USP36: variants seen among roughly 807,000 people sequenced by gnomAD.
The protein encoded by USP36 is ubiquitin carboxyl-terminal hydrolase 36.
Under a neutral mutation model 111.5 loss-of-function variants are expected in USP36, and 59 were observed. That is an observed-to-expected ratio of 0.53 (90% CI 0.43 to 0.66). The LOEUF (loss-of-function observed/expected upper bound fraction) is 0.66. Ranked by LOEUF, USP36 falls within the 30% of genes least tolerant of loss-of-function variation. The pLI, the probability that USP36 is intolerant of heterozygous loss-of-function variation, is 0.00. For missense variants in USP36, 1,488 were observed against 1,468.0 expected, an observed-to-expected ratio of 1.01 and a Z score of -0.22; for synonymous variants, 628 against 581.0, an observed-to-expected ratio of 1.08 and a Z score of -1.16.
At position 78,827,266 on chromosome 17, in the gene USP36, G is replaced by C; in HGVS notation, c.668C>G (p.Ala223Gly). Residue 223 changes from alanine (A) to glycine (G), a missense_variant, in exon 6 of 21, where the codon GCC becomes GGC. Physicochemically the swap from Ala to Gly is moderately conservative, Grantham distance 60. This residue lies in a region of USP36 where 196 missense variants were observed against 264.4 expected (regional missense o/e 0.74). Coordinates refer to ENST00000449938, the MANE Select transcript of USP36 (RefSeq NM_001385174.1). ...GCACTTGGCACAGCCATTCAGGCAG[G>C]CTTTCTGCATGGCGTCGATGGTGTA... ...LRYTIDAMQKACLNGCAKLDR... is the reference protein window; with the variant it reads ...LRYTIDAMQKGCLNGCAKLDR... 6.2e-7 allele frequency: 1 copy of C among 1,613,800 alleles called. No individual in the cohort carries two copies. Among genetic ancestry groups the C allele is most frequent in the Middle Eastern group, 1.7e-4 (1 of 5,938 alleles).
intron 10 of USP36, among the ~76,000 whole-genome samples, chr17:78,815,836 CAT>C (rs202229362): frequency 0.06 from 9,027 of 150,698 alleles, 858 homozygotes; most frequent in African/African-American, 0.21. Context: ...CACATATATA[CAT>C]ACACACACAC....
At chr17:78,806,393 A>G (rs1771750829) in intron 14 of USP36, 107 bp from the exon 15 acceptor site, 1 of 1,481,192 alleles carries the variant, frequency 6.8e-7, no homozygotes, top group Non-Finnish European at 9.1e-7. Context: ...AAAAGAGCCC[A>G]GAAAAAAAGA....
In USP36 at chr17:78,798,175, CCA is replaced by C. The variant is rs2093659578; in HGVS notation, c.*20+223_*20+224del. On this transcript the variant is annotated intron_variant, in intron 20 of 20. Coordinates refer to ENST00000449938, the MANE Select transcript of USP36 (RefSeq NM_001385174.1). This position sits in a 1 kb window ranked among gnomAD's most constrained non-coding sequence, Gnocchi z 5.1. ...ACACACCCCCTTATACACACGCATC[CCA>C]CACACACCCCCTTATACACACGCAT... is the stretch of plus-strand genomic sequence containing the variant. 1.0e-5 allele frequency: 6 copies of C among 576,410 alleles called. No homozygotes were observed. The highest frequency in any genetic ancestry group is 4.6e-4 in the Middle Eastern group (1 of 2,164). 35.7% of individuals were successfully genotyped at this position (576,410 alleles called of 1,614,324 possible). A position where few individuals can be genotyped will look rare whatever the true frequency, so the allele number is the denominator to read the frequency against.
intron 17 of USP36, among the ~76,000 whole-genome samples, chr17:78,800,177 T>C (rs2093705791): frequency 6.7e-6 from 1 of 150,208 alleles, no homozygotes; most frequent in Non-Finnish European, 1.5e-5. Flanking sequence ...CCAGTAGTGT[T>C]AAGTCCTCAG....
chr17:78,808,319 T>G (rs2093965367), intron 13 of USP36, among the ~76,000 whole-genome samples: 1 of 152,232 alleles, frequency 6.6e-6, no homozygotes, highest in Admixed American at 6.5e-5. Flanking sequence ...GATGTCATCA[T>G]AACTCACTGC....
At chr17:78,820,129 G>T in intron 8 of USP36, 117 bp from the exon 9 acceptor site, 2 of 1,081,548 alleles carry the variant, frequency 1.8e-6, no homozygotes, top group Non-Finnish European at 1.3e-6. Flanking sequence ...ACTTAGACTC[G>T]CATAAAAATT....
At position 78,803,490 on chromosome 17, in the gene USP36, C is replaced by T. The variant is rs2093808485; in HGVS notation, c.2705G>A (p.Gly902Glu). 6.2e-7 allele frequency: 1 copy of T among 1,614,064 alleles called. No homozygotes were observed. Residue 902 changes from glycine to glutamate, a missense_variant, in exon 16 of 21, where the codon GGA becomes GAA. Around this residue, in one of 3 missense-constraint regions of USP36, gnomAD observed 1,073 missense variants for 994.1 expected, o/e 1.08. Transcript: ENST00000449938. This position sits in a 1 kb window ranked among gnomAD's most constrained non-coding sequence, Gnocchi z 4.6. The part of the protein sequence containing the change: ...TQPQVNGQQV[G>E]CVTDGHHASS... ...CGCGTGGTGGCCGTCCGTAACACAT[C>T]CCACCTGCTGGCCATTCACCTGTGG...
chr17:78,839,398 C>T (rs2069023859), intron 1 of USP36, among the ~76,000 whole-genome samples: 1 of 152,074 alleles, frequency 6.6e-6, no homozygotes. Flanking sequence ...ATACCAACTC[C>T]CGAAAAATGT....
Position 78,806,194 on chromosome 17 carries a change from G to A in USP36, c.2178C>T (p.His726=), listed in dbSNP as rs775014668. ...SDLTHPMKTS[H]PVVASTWPVH... The stretch of plus-strand genomic sequence containing the variant: ...CGGGCCAAGTGGAGGCAACGACGGG[G>A]TGAGAGGTTTTCATGGGGTGGGTGA... The change falls in exon 15 of 21, where the codon CAC becomes CAT. Residue 726 remains histidine (H), a synonymous_variant. Coordinates refer to ENST00000449938, the MANE Select transcript of USP36 (RefSeq NM_001385174.1). 1.9e-5 allele frequency: 30 copies of A among 1,613,584 alleles called. 1 individual carries two copies. In the South Asian group the frequency reaches 2.9e-4, roughly 15 times the overall value.
chr17:78,807,799 T>C (rs2093948732), intron 13 of USP36, among the ~76,000 whole-genome samples, 163 bp from the exon 14 acceptor site: 1 of 152,216 alleles, frequency 6.6e-6, no homozygotes, highest in Non-Finnish European at 1.5e-5. Context: ...CTGTGGCTTC[T>C]CTGAACAATT....
intron 10 of USP36, among the ~76,000 whole-genome samples, chr17:78,816,156 T>C (rs1351799684): frequency 1.3e-5 from 2 of 151,646 alleles, no homozygotes; most frequent in African/African-American, 2.4e-5. Flanking sequence ...AACATACGCA[T>C]AATTTTTTTT....
chr17:78,807,165 G>T lies in USP36; in HGVS notation c.1879C>A (p.Pro627Thr), dbSNP rs139422837. ...GCCGCTCCACTCCTGGGGGTCTGGG[G>T]GGCCTTGGTGGAGTCGCTGCTGGCC... ...HSASSDSTKA[P>T]QTPRSGAAHL... Residue 627 changes from proline (P) to threonine (T), a missense_variant, in exon 14 of 21, where the codon CCC becomes ACC. Pro to Thr is a conservative substitution (Grantham distance 38, BLOSUM62 -1). Transcript: ENST00000449938. 3.1e-6 allele frequency: 5 copies of T among 1,614,216 alleles called. No individual in the cohort carries two copies. In the South Asian group the frequency reaches 4.4e-5, roughly 14 times the overall value.
intron 6 of USP36, chr17:78,826,939 T>C: frequency 1.7e-6 from 1 of 602,038 alleles, no homozygotes; most frequent in Non-Finnish European, 3.0e-6. Flanking sequence ...CCTAAGAAGG[T>C]CTGCTAACAT....
At chr17:78,814,585 A>G in intron 10 of USP36, 33 bp from the exon 11 acceptor site, 1 of 1,602,734 alleles carries the variant, frequency 6.2e-7, no homozygotes, top group Non-Finnish European at 8.5e-7. Flanking sequence ...GACAAATAAA[A>G]TTCACTTTGA....
At position 78,832,215 on chromosome 17, in the gene USP36, C is replaced by T. The variant is rs563793369; in HGVS notation, c.475+3065G>A. Among the ~76,000 whole-genome samples the T allele has an allele frequency of 1.1e-4, 17 of 152,292 alleles. No homozygotes were observed. The South Asian group carries it at 3.3e-3, about 30-fold the overall frequency. ...TGTTTCTCTTCTAGCTAAATATTAG[C>T]GCCAGAGACAGTCCAGCCTACGGCA... On this transcript the variant is annotated intron_variant, in intron 4 of 20. Coordinates refer to ENST00000449938, the MANE Select transcript of USP36 (RefSeq NM_001385174.1).
At position 78,812,658 on chromosome 17, in the gene USP36, C is replaced by T. The variant is rs577211858; in HGVS notation, c.1407+202G>A. 3.5e-5 allele frequency among the ~76,000 whole-genome samples: 5 copies of T among 143,820 alleles called. No homozygotes were observed. In the East Asian group the frequency reaches 1.0e-3, roughly 29 times the overall value. The allele number at this position is 143,820 out of a possible 152,430, so 94.4% of individuals were successfully genotyped here. ...TGAGCCGAGATTGGAGATCGCACCA[C>T]TGCACCCCAGCCTGGATGACAGAGC... On this transcript the variant is annotated intron_variant, in intron 13 of 20. Transcript: ENST00000449938.
chr17:78,830,857 C>A (rs1338247477), intron 4 of USP36, among the ~76,000 whole-genome samples: 1 of 151,496 alleles, frequency 6.6e-6, no homozygotes, highest in Non-Finnish European at 1.5e-5. Context: ...CTAACTATAT[C>A]CATGTTATTA....
chr17:78,824,610 G>A (rs542593484), intron 6 of USP36, among the ~76,000 whole-genome samples: 3 of 152,126 alleles, frequency 2.0e-5, no homozygotes, highest in Non-Finnish European at 4.4e-5. Context: ...AATATCCAAA[G>A]AAATTTGAGA....
chr17:78,806,898 A>C, intron 14 of USP36, 61 bp downstream of exon 14: 1 of 1,577,474 alleles, frequency 6.3e-7, no homozygotes, highest in Non-Finnish European at 8.6e-7. Flanking sequence ...TTCAAACCAC[A>C]ACCAAGCAAC....
Sources: allele counts gnomAD v4.1 joint callset (sites outside exome capture counted in the v4.1 genomes callset), GRCh38; gene constraint gnomAD v4.1.1; regional missense constraint gnomAD v4.1.1; non-coding constraint Gnocchi (gnomAD v3.1); transcripts MANE v1.5; gene names NCBI Gene and HGNC (gene_info 2026-07-23, HGNC 2026-07-21).